The following UHRF1 variants were observed in gnomAD, a reference collection of about 807,000 sequenced individuals.
UHRF1 encodes the protein ubiquitin like with PHD and ring finger domains 1.
In UHRF1, 9 loss-of-function variants were observed where a neutral mutation model predicts 96.5. The ratio of observed to expected loss-of-function variants is 0.09; its 90% CI spans 0.06 to 0.16. The LOEUF (loss-of-function observed/expected upper bound fraction) is 0.16. Ranked by LOEUF, UHRF1 falls within the 10% of genes least tolerant of loss-of-function variation. The probability of loss-of-function intolerance (pLI) is 1.00; values close to 1 mark genes in which losing one functional copy is unlikely to be tolerated. For missense variants in UHRF1, 626 were observed against 1,131.1 expected (o/e 0.55, Z 6.40); for synonymous variants, 455 against 469.9 (o/e 0.97, Z 0.41).
intron 5 of UHRF1, among the ~76,000 whole-genome samples, chr19:4,938,746 T>G (rs1389970689): frequency 7.7e-6 from 1 of 130,640 alleles, no homozygotes; most frequent in Admixed American, 8.0e-5. Flanking sequence ...TTTTTTTTTT[T>G]TTTTTTTTTT....
chr19:4,935,675 C>T (rs752388071), intron 5 of UHRF1, among the ~76,000 whole-genome samples: 35 of 151,990 alleles, frequency 2.3e-4, no homozygotes, highest in African/African-American at 6.5e-4. Flanking sequence ...TTCAGCTAGT[C>T]GGCTAGTAAG....
chr19:4,933,087 G>GC (rs916169795), intron 5 of UHRF1, 131 bp downstream of exon 5: 1 of 1,007,298 alleles, frequency 9.9e-7, no homozygotes, highest in African/African-American at 1.6e-5. Flanking sequence ...TGGCCTTCCT[G>GC]CCTCCCCTCT....
Position 4,945,386 on chromosome 19 carries a change from A to G in UHRF1, c.1306-475A>G, listed in dbSNP as rs778627860. 3.9e-5 allele frequency among the ~76,000 whole-genome samples: 6 copies of G among 151,998 alleles called. 1 individual carries two copies. Among genetic ancestry groups the G allele is most frequent in the African/African-American group, 2.4e-5 (1 of 41,472 alleles). Reference sequence around the variant, plus strand: ...CGATTCTCCTGCCTCAGCCTCCCCAATAGCTGGGATCACAGGGACATGCCA... The same window carrying G: ...CGATTCTCCTGCCTCAGCCTCCCCAGTAGCTGGGATCACAGGGACATGCCA... On this transcript the variant is annotated intron_variant, in intron 9 of 16. Transcript: ENST00000650932.
chr19:4,937,953 A>G (rs891867414), intron 5 of UHRF1, among the ~76,000 whole-genome samples: 8 of 152,060 alleles, frequency 5.3e-5, no homozygotes, highest in African/African-American at 1.9e-4. Context: ...GAGTTTGAGA[A>G]CAGCCTGGTC....
intron 2 of UHRF1, among the ~76,000 whole-genome samples, chr19:4,923,305 G>T (rs893467954): frequency 6.6e-6 from 1 of 152,106 alleles, no homozygotes; most frequent in Admixed American, 6.5e-5. Context: ...TCCTGCTGTC[G>T]AGGTCACTTG....
At chr19:4,955,275 G>T (rs2033827924) in intron 15 of UHRF1, among the ~76,000 whole-genome samples, 1 of 152,142 alleles carries the variant, frequency 6.6e-6, no homozygotes, top group Non-Finnish European at 1.5e-5. Flanking sequence ...GGCCCTCCTG[G>T]GGGCTCCAGG....
In UHRF1 at chr19:4,954,679, C is replaced by A. The variant is rs766167353; in HGVS notation, c.1987C>A (p.Arg663Ser). Reference protein sequence around the residue: ...GGGPSRAGSPRRTSKKTKVEP... With the variant: ...GGGPSRAGSPSRTSKKTKVEP... ...TGGCCCGAGCAGGGCCGGGTCCCCG[C>A]GCCGGACATCCAAGAAAACCAAGGT... is the stretch of plus-strand genomic sequence containing the variant. The change falls in exon 15 of 17, where the codon CGC becomes AGC. Residue 663 changes from arginine (R) to serine (S), a missense_variant. Arg to Ser is a moderately radical substitution (Grantham distance 110). Coordinates refer to ENST00000650932, the MANE Select transcript of UHRF1 (RefSeq NM_001048201.3). The surrounding 1 kb of genome is among the most constrained non-coding windows in gnomAD (Gnocchi z 5.9). 6.2e-7 allele frequency: 1 copy of A among 1,613,196 alleles called. No individual in the cohort carries two copies. Among genetic ancestry groups the A allele is most frequent in the Admixed American group, 1.7e-5 (1 of 59,916 alleles).
At position 4,930,863 on chromosome 19, in the gene UHRF1, G is replaced by A. The variant is rs755704089; in HGVS notation, c.556G>A (p.Val186Met). The A allele has an allele frequency of 1.9e-6, 3 of 1,613,914 alleles. No homozygotes were observed. The highest frequency in any genetic ancestry group is 1.7e-5 in the Admixed American group (1 of 60,012). Residue 186 changes from valine (V) to methionine (M), a missense_variant, in exon 4 of 17, where the codon GTG (valine) becomes ATG (methionine). Coordinates refer to ENST00000650932, the MANE Select transcript of UHRF1 (RefSeq NM_001048201.3). This position sits in a 1 kb window ranked among gnomAD's most constrained non-coding sequence, Gnocchi z 4.4. ...GCTGGAGGAGGACGTCATTTACCACGTGAAATACGACGAGTGAGTCATGGC... is the reference window on the plus strand; with the variant it reads ...GCTGGAGGAGGACGTCATTTACCACATGAAATACGACGAGTGAGTCATGGC... Reference protein sequence around the residue: ...PALEEDVIYHVKYDDYPENGV... With the variant: ...PALEEDVIYHMKYDDYPENGV...
intron 2 of UHRF1, among the ~76,000 whole-genome samples, chr19:4,911,601 G>T (rs540524124): frequency 6.6e-6 from 1 of 152,184 alleles, no homozygotes; most frequent in Admixed American, 6.6e-5. Context: ...GACCTGGGGC[G>T]TGTGGTCCCC....
chr19:4,911,388 C>G lies in UHRF1; in HGVS notation c.153+350C>G, dbSNP rs558599701. Among the ~76,000 whole-genome samples the G allele has an allele frequency of 3.3e-5, 5 of 152,252 alleles. No homozygotes were observed. The South Asian group carries it at 6.2e-4, about 19-fold the overall frequency. ...GGAATTTTCGAGAAAGGGCCCAGGA[C>G]CATCTGGTAGCTAGGACGGAGGGGA... On this transcript the variant is annotated intron_variant, in intron 2 of 16. Coordinates refer to ENST00000650932, the MANE Select transcript of UHRF1 (RefSeq NM_001048201.3).
chr19:4,958,430 T>G (rs998940771), intron 16 of UHRF1, among the ~76,000 whole-genome samples: 1 of 152,050 alleles, frequency 6.6e-6, no homozygotes, highest in Non-Finnish European at 1.5e-5. Flanking sequence ...GGGCTGGCTG[T>G]GGGGGGCTAT....
intron 2 of UHRF1, 81 bp from the exon 3 acceptor site, chr19:4,929,141 T>A: frequency 2.0e-6 from 3 of 1,503,488 alleles, no homozygotes; most frequent in Non-Finnish European, 2.7e-6. Context: ...TGGGACACAG[T>A]GTTTGGTTCA....
intron 2 of UHRF1, among the ~76,000 whole-genome samples, chr19:4,926,743 C>T (rs1413355100): frequency 1.3e-5 from 2 of 150,228 alleles, no homozygotes; most frequent in African/African-American, 2.5e-5. Context: ...CCATCCTTGG[C>T]AACAGAGTGA....
upstream of UHRF1, among the ~76,000 whole-genome samples, chr19:4,906,186 C>T (rs954488140): frequency 1.3e-5 from 2 of 151,984 alleles, no homozygotes; most frequent in Non-Finnish European, 2.9e-5. Flanking sequence ...ACTACGTTGC[C>T]CAAGCTGGTC....
At chr19:4,927,606 C>G (rs1414315403) in intron 2 of UHRF1, among the ~76,000 whole-genome samples, 1 of 152,054 alleles carries the variant, frequency 6.6e-6, no homozygotes, top group Non-Finnish European at 1.5e-5. Context: ...CTCCCTTTTC[C>G]TAAGGTCTCT....
In UHRF1 at chr19:4,941,394, T is replaced by C. The variant is rs537426117; in HGVS notation, c.786-134T>C. ...TTCCGTTTCATGTTGCTTCTGTGAG[T>C]GCAGCTTTGATTGCTAGGGGGCGTA... On this transcript the variant is annotated intron_variant, in intron 5 of 16. Transcript: ENST00000650932. 4.8e-5 allele frequency: 32 copies of C among 663,984 alleles called. No individual in the cohort carries two copies. In the African/African-American group the frequency reaches 5.6e-4, roughly 12 times the overall value. The allele number at this position is 663,984 out of a possible 1,614,324, so 41.1% of individuals were successfully genotyped here.
chr19:4,941,473 G>A, intron 5 of UHRF1, 55 bp from the exon 6 acceptor site: 2 of 1,433,900 alleles, frequency 1.4e-6, no homozygotes, highest in South Asian at 1.2e-5. Context: ...AGTGCTGTGA[G>A]TAGATTTAGG....
At chr19:4,945,826 A>T (rs757012273) in intron 9 of UHRF1, 35 bp from the exon 10 acceptor site, 2 of 1,555,538 alleles carry the variant, frequency 1.3e-6, no homozygotes, top group African/African-American at 2.7e-5. Flanking sequence ...CAGTCATTGC[A>T]GAGGACACCA....
In UHRF1 at chr19:4,920,152, C is replaced by T. The variant is rs560055177; in HGVS notation, c.154-9070C>T. On this transcript the variant is annotated intron_variant, in intron 2 of 16. Transcript: ENST00000650932. ...ATTATTAATGAAGAATAAAAAGAGG[C>T]TGGGCGCAGCGGCTCATGCTTGTAA... 9.8e-5 allele frequency among the ~76,000 whole-genome samples: 15 copies of T among 152,308 alleles called. No homozygotes were observed. In the East Asian group the frequency reaches 2.9e-3, roughly 29 times the overall value.
Sources: allele counts gnomAD v4.1 joint callset (sites outside exome capture counted in the v4.1 genomes callset), GRCh38; gene constraint gnomAD v4.1.1; non-coding constraint Gnocchi (gnomAD v3.1); transcripts MANE v1.5; gene names NCBI Gene and HGNC (gene_info 2026-07-23, HGNC 2026-07-21).